NXPH2: variants seen among roughly 807,000 people sequenced by gnomAD.
NXPH2 encodes the protein neurexophilin-2.
Under a neutral mutation model 19.8 loss-of-function variants are expected in NXPH2, and 5 were observed. The ratio of observed to expected loss-of-function variants is 0.25; its 90% CI spans 0.13 to 0.53. The LOEUF (loss-of-function observed/expected upper bound fraction) is 0.53. Ranked by LOEUF, NXPH2 falls within the 20% of genes least tolerant of loss-of-function variation. The pLI is 0.96. For synonymous variants in NXPH2, 154 were observed against 127.4 expected (o/e 1.21, Z -1.41); for missense variants, 289 against 322.8 (o/e 0.90, Z 0.80).
intron 1 of NXPH2, among the ~76,000 whole-genome samples, chr2:138,724,083 C>T (rs141663817): frequency 1.5e-3 from 234 of 152,280 alleles, no homozygotes; most frequent in African/African-American, 5.4e-3. Flanking sequence ...TGATCCTCTT[C>T]CTCCTCCTAC....
At chr2:138,690,573 C>T (rs1419374297) in intron 1 of NXPH2, among the ~76,000 whole-genome samples, 1 of 146,708 alleles carries the variant, frequency 6.8e-6, no homozygotes, top group African/African-American at 2.7e-5. Context: ...TCTCAAAAAA[C>T]TCAGAAATTG....
At position 138,675,767 on chromosome 2, in the gene NXPH2, T is replaced by TAA. The variant is rs563038964; in HGVS notation, c.52-4104_52-4103dup. Among the ~76,000 whole-genome samples, 4 of 151,528 alleles carry TAA rather than the reference T, an allele frequency of 2.6e-5. No individual in the cohort carries two copies. The South Asian group carries it at 8.3e-4, about 32-fold the overall frequency. ...AGAATTTGAAATGAAATTAGATTTC[T>TAA]AAAAAAAAATCATTCTAACACACTA... On this transcript the variant is annotated intron_variant, in intron 1 of 1. Transcript: ENST00000272641.
At chr2:138,741,065 A>G (rs1478943514) in intron 1 of NXPH2, among the ~76,000 whole-genome samples, 1 of 152,146 alleles carries the variant, frequency 6.6e-6, no homozygotes, top group Non-Finnish European at 1.5e-5. Context: ...TAGGTGCTAT[A>G]TAAACTCCTG....
At chr2:138,765,336 T>A (rs1682074273) in intron 1 of NXPH2, among the ~76,000 whole-genome samples, 1 of 152,192 alleles carries the variant, frequency 6.6e-6, no homozygotes, top group Admixed American at 6.5e-5. Flanking sequence ...CTGATCACAA[T>A]AAGTAAGGTC....
chr2:138,761,029 G>A (rs1044403600), intron 1 of NXPH2, among the ~76,000 whole-genome samples: 5 of 152,170 alleles, frequency 3.3e-5, no homozygotes, highest in Non-Finnish European at 1.5e-5. Flanking sequence ...TCCAACTGAT[G>A]AATAACCCTG....
intron 1 of NXPH2, among the ~76,000 whole-genome samples, chr2:138,767,506 A>G (rs1682109830): frequency 6.6e-6 from 1 of 152,254 alleles, no homozygotes; most frequent in Non-Finnish European, 1.5e-5. Flanking sequence ...CAGGTTTGTT[A>G]CATAGGTATA....
chr2:138,756,914 C>G (rs1681918220), intron 1 of NXPH2, among the ~76,000 whole-genome samples: 1 of 152,136 alleles, frequency 6.6e-6, no homozygotes, highest in African/African-American at 2.4e-5. Context: ...GTGACTTACT[C>G]ATTCTAATAA....
intron 1 of NXPH2, among the ~76,000 whole-genome samples, chr2:138,691,334 C>T (rs1680741908): frequency 6.6e-6 from 1 of 152,110 alleles, no homozygotes; most frequent in African/African-American, 2.4e-5. Context: ...TTTCTAGTAT[C>T]ACTATAGGGA....
intron 1 of NXPH2, among the ~76,000 whole-genome samples, chr2:138,715,804 T>C (rs1488746085): frequency 6.6e-6 from 1 of 152,136 alleles, no homozygotes; most frequent in East Asian, 1.9e-4. Flanking sequence ...AGGTCCAGGA[T>C]GTTTACTAGA....
intron 1 of NXPH2, among the ~76,000 whole-genome samples, chr2:138,723,830 C>A (rs1681316387): frequency 6.6e-6 from 1 of 152,140 alleles, no homozygotes; most frequent in Non-Finnish European, 1.5e-5. Flanking sequence ...TTTTGGCCTC[C>A]CCTAGCCTTC....
chr2:138,762,656 T>A (rs1364324469), intron 1 of NXPH2, among the ~76,000 whole-genome samples: 1 of 152,192 alleles, frequency 6.6e-6, no homozygotes, highest in Admixed American at 6.5e-5. Flanking sequence ...TGTTCCTGGA[T>A]GAAAATGCAA....
At chr2:138,767,907 T>C (rs1420615592) in intron 1 of NXPH2, among the ~76,000 whole-genome samples, 2 of 152,184 alleles carry the variant, frequency 1.3e-5, no homozygotes, top group East Asian at 3.9e-4. Flanking sequence ...TTTTCCATTT[T>C]GGTTTTTTTG....
intron 1 of NXPH2, among the ~76,000 whole-genome samples, chr2:138,688,195 T>A (rs1233254719): frequency 6.6e-6 from 1 of 152,214 alleles, no homozygotes; most frequent in East Asian, 1.9e-4. Flanking sequence ...TCCATTTGTT[T>A]GTGTTGGAGA....
At chr2:138,700,624 T>A (rs1680905661) in intron 1 of NXPH2, among the ~76,000 whole-genome samples, 1 of 152,094 alleles carries the variant, frequency 6.6e-6, no homozygotes, top group Non-Finnish European at 1.5e-5. Flanking sequence ...GGCCTCTCTG[T>A]TCACCTTTAA....
chr2:138,710,994 G>A (rs939017432), intron 1 of NXPH2, among the ~76,000 whole-genome samples: 2 of 152,058 alleles, frequency 1.3e-5, no homozygotes, highest in Non-Finnish European at 2.9e-5. Flanking sequence ...TCCTGGAGCC[G>A]GATCCCACTT....
At chr2:138,780,159 C>A in intron 1 of NXPH2, 32 bp downstream of exon 1, 1 of 1,473,706 alleles carries the variant, frequency 6.8e-7, no homozygotes, top group Non-Finnish European at 8.9e-7. Context: ...GCGTCCCCGG[C>A]GTGTGGGACG....
At chr2:138,697,363 T>A (rs1363356985) in intron 1 of NXPH2, among the ~76,000 whole-genome samples, 3 of 152,138 alleles carry the variant, frequency 2.0e-5, no homozygotes, top group African/African-American at 7.2e-5. Flanking sequence ...ATTAAAAATT[T>A]GAAATAAATG....
intron 1 of NXPH2, among the ~76,000 whole-genome samples, chr2:138,731,542 T>C (rs1238528879): frequency 1.3e-5 from 2 of 152,112 alleles, no homozygotes; most frequent in African/African-American, 2.4e-5. Context: ...AATATAATGA[T>C]TGGGCTAAAA....
chr2:138,745,940 A>G (rs1372184622), intron 1 of NXPH2, among the ~76,000 whole-genome samples: 1 of 152,250 alleles, frequency 6.6e-6, no homozygotes, highest in Non-Finnish European at 1.5e-5. Flanking sequence ...TTGGGTGATA[A>G]CACGGCTGGT....
Sources: gnomAD v4.1 joint callset for allele counts (sites outside exome capture counted in the v4.1 genomes callset) on GRCh38, gnomAD v4.1.1 for gene constraint, MANE v1.5 for transcripts, NCBI Gene and HGNC (gene_info 2026-07-23, HGNC 2026-07-21) for gene names.